Variants in TMEM255B observed in about 807,000 individuals in gnomAD.
TMEM255B encodes the protein family with sequence similarity 70, member B.
Under a neutral mutation model 34.5 loss-of-function variants are expected in TMEM255B, and 35 were observed. That is an observed-to-expected ratio of 1.01 (90% CI 0.77 to 1.34). The LOEUF (loss-of-function observed/expected upper bound fraction) is 1.34, where lower values mean the gene tolerates loss of function less well. Among genes scored for constraint, TMEM255B ranks in the 40% most tolerant of loss-of-function variants. The probability of loss-of-function intolerance (pLI) is 0.00; values close to 1 mark genes in which losing one functional copy is unlikely to be tolerated. For synonymous variants in TMEM255B, 206 were observed against 201.2 expected, an observed-to-expected ratio of 1.02 and a Z score of -0.20; for missense variants, 432 against 433.2, an observed-to-expected ratio of 1.00 and a Z score of 0.02.
At chr13:113,799,288 C>G (rs2050997739) in intron 4 of TMEM255B, 51 bp from the exon 5 acceptor site, 1 of 1,589,068 alleles carries the variant, frequency 6.3e-7, no homozygotes, top group Non-Finnish European at 8.6e-7. Context: ...TCTGGCCTCT[C>G]CCGCCTGGAG....
At chr13:113,801,180 C>T (rs1566741383) in intron 6 of TMEM255B, among the ~76,000 whole-genome samples, 1 of 152,230 alleles carries the variant, frequency 6.6e-6, no homozygotes, top group East Asian at 1.9e-4. Context: ...ACATTGAGTC[C>T]ATTTCACAGA....
intron 8 of TMEM255B, among the ~76,000 whole-genome samples, chr13:113,808,469 T>C (rs2051226282): frequency 6.6e-6 from 1 of 152,194 alleles, no homozygotes; most frequent in African/African-American, 2.4e-5. Flanking sequence ...CAGGGTTTAC[T>C]CTGTGGTTCC....
At position 113,770,605 on chromosome 13, in the gene TMEM255B, G is replaced by A. The variant is rs942846277; in HGVS notation, c.252+1445G>A. Among the ~76,000 whole-genome samples the A allele has an allele frequency of 1.3e-5, 2 of 152,170 alleles. No individual in the cohort carries two copies. Among genetic ancestry groups the A allele is most frequent in the Non-Finnish European group, 2.9e-5 (2 of 68,030 alleles). On this transcript the variant is annotated intron_variant, in intron 3 of 8. Coordinates refer to ENST00000375353, the MANE Select transcript of TMEM255B (RefSeq NM_182614.4). The surrounding 1 kb of genome is among the most constrained non-coding windows in gnomAD (Gnocchi z 4.6). ...AGTGTGCACTGCAGGGTGAGCTGCC[G>A]TTCTTGGCTAGCAGTTGCAAAGAGA...
At chr13:113,785,142 C>T (rs572413541) in intron 3 of TMEM255B, among the ~76,000 whole-genome samples, 1 of 127,798 alleles carries the variant, frequency 7.8e-6, no homozygotes, top group South Asian at 2.5e-4. Context: ...GTCATGCTGA[C>T]ATTAGTCAGT....
At chr13:113,811,616 C>T (rs1011302386) in intron 8 of TMEM255B, 120 bp from the exon 9 acceptor site, 18 of 1,205,970 alleles carry the variant, frequency 1.5e-5, no homozygotes, top group Middle Eastern at 2.8e-4. Flanking sequence ...CTGCGGGTGG[C>T]CCTGGGTTGG....
intron 1 of TMEM255B, among the ~76,000 whole-genome samples, chr13:113,761,507 G>A (rs933320286): frequency 1.3e-5 from 2 of 152,174 alleles, no homozygotes; most frequent in Non-Finnish European, 2.9e-5. Context: ...TGCACCTGGG[G>A]AAGACTAGAA....
intron 7 of TMEM255B, 63 bp downstream of exon 7, chr13:113,801,875 C>T (rs1040786323): frequency 5.5e-5 from 82 of 1,482,650 alleles, no homozygotes; most frequent in Middle Eastern, 2.3e-4. Flanking sequence ...TCCATTTCCC[C>T]GGGGTGGGCT....
In TMEM255B at chr13:113,816,183, C is replaced by G. The variant is rs2051400269; in HGVS notation, c.*4280C>G. The stretch of plus-strand genomic sequence containing the variant: ...GGGACACGAGTTCTTTTCGGGGAGG[C>G]AAGCGTGTTTGCAGCGTGTTCTGGA... On this transcript the variant is annotated 3_prime_UTR_variant, in exon 9 of 9. Coordinates refer to ENST00000375353, the MANE Select transcript of TMEM255B (RefSeq NM_182614.4). 2 of 146,890 alleles carry G rather than the reference C, an allele frequency of 1.4e-5. No individual in the cohort carries two copies. The highest frequency in any genetic ancestry group is 1.5e-5 in the Non-Finnish European group (1 of 68,742). 9.1% of individuals were successfully genotyped at this position (146,890 alleles called of 1,614,324 possible).
At chr13:113,787,891 G>A (rs573296575) in intron 3 of TMEM255B, among the ~76,000 whole-genome samples, 21 of 150,086 alleles carry the variant, frequency 1.4e-4, no homozygotes, top group East Asian at 1.0e-3. Context: ...TGCAGGTGCC[G>A]TCCACTCTCT....
intron 3 of TMEM255B, among the ~76,000 whole-genome samples, chr13:113,786,092 T>TC (rs1409649276): frequency 1.3e-5 from 2 of 152,122 alleles, no homozygotes; most frequent in Admixed American, 1.3e-4. Context: ...AATTCAAGCA[T>TC]CAAACCGTGA....
intron 1 of TMEM255B, among the ~76,000 whole-genome samples, chr13:113,764,428 A>T (rs1407511014): frequency 6.6e-6 from 1 of 152,112 alleles, no homozygotes; most frequent in Non-Finnish European, 1.5e-5. Context: ...CCTGGCCCGC[A>T]CCGGGCTGCG....
At chr13:113,788,869 C>T (rs1045715843) in intron 3 of TMEM255B, among the ~76,000 whole-genome samples, 8 of 152,104 alleles carry the variant, frequency 5.3e-5, no homozygotes, top group Non-Finnish European at 7.4e-5. Context: ...CCACTGCACC[C>T]GGGGGCCGCG....
Position 113,812,910 on chromosome 13 carries a change from C to CCCCGTGTGAGTCACAGGT in TMEM255B, c.*1011_*1012insTGTGAGTCACAGGTCCCG, listed in dbSNP as rs2051346606. The CCCCGTGTGAGTCACAGGT allele has an allele frequency of 9.7e-5, 9 of 92,680 alleles. No homozygotes were observed. The highest frequency in any genetic ancestry group is 4.4e-4 in the African/African-American group (8 of 18,310). 5.7% of individuals were successfully genotyped at this position (92,680 alleles called of 1,614,324 possible). On this transcript the variant is annotated 3_prime_UTR_variant, in exon 9 of 9. Coordinates refer to ENST00000375353, the MANE Select transcript of TMEM255B (RefSeq NM_182614.4). ...TCACAGGCCCCGGGTGAGTCACAGG[C>CCCCGTGTGAGTCACAGGT]CCCGGGTGAGTCACGGGTCCCGGGT...
intron 6 of TMEM255B, among the ~76,000 whole-genome samples, chr13:113,801,193 A>G (rs1311798659): frequency 1.3e-5 from 2 of 152,208 alleles, no homozygotes; most frequent in Admixed American, 6.5e-5. Flanking sequence ...TTCACAGATG[A>G]AAAGACAGAG....
intron 3 of TMEM255B, among the ~76,000 whole-genome samples, chr13:113,786,950 A>T (rs2050756055): frequency 6.6e-6 from 1 of 152,200 alleles, no homozygotes. Flanking sequence ...CTAGTTACAC[A>T]TGTGACATGC....
intron 7 of TMEM255B, among the ~76,000 whole-genome samples, chr13:113,803,906 TTCACCGTGTCCCCGGGTTG>T (rs1245576614): frequency 0.024 from 460 of 19,500 alleles, 5 homozygotes; most frequent in African/African-American, 0.071. Flanking sequence ...TCCCGGGGTT[TTCACCGTGTCCCCGGGTTG>T]TCACCGTGTC....
chr13:113,803,729 A>G (rs935103476), intron 7 of TMEM255B, among the ~76,000 whole-genome samples: 1 of 152,078 alleles, frequency 6.6e-6, no homozygotes, highest in African/African-American at 2.4e-5. Flanking sequence ...GCAGGGTCTG[A>G]GGCAGAAGCA....
chr13:113,797,367 G>A (rs570610622), intron 4 of TMEM255B, among the ~76,000 whole-genome samples: 87 of 152,332 alleles, frequency 5.7e-4, no homozygotes, highest in African/African-American at 2.1e-3. Context: ...CAGCTCTAAG[G>A]GCGTCATATG....
chr13:113,795,531 C>T (rs1472324142), intron 4 of TMEM255B, among the ~76,000 whole-genome samples: 1 of 140,434 alleles, frequency 7.1e-6, no homozygotes, highest in Non-Finnish European at 1.5e-5. Flanking sequence ...ACACACAGAG[C>T]ACACAGCACA....
Sources: allele counts gnomAD v4.1 joint callset (sites outside exome capture counted in the v4.1 genomes callset), GRCh38; gene constraint gnomAD v4.1.1; non-coding constraint Gnocchi (gnomAD v3.1); transcripts MANE v1.5; gene names NCBI Gene and HGNC (gene_info 2026-07-23, HGNC 2026-07-21).